The following KLF9 variants were observed in gnomAD, a reference collection of about 807,000 sequenced individuals.
KLF9 encodes the protein KLF transcription factor 9, also known as Krueppel-like factor 9.
A neutral mutation model predicts 17.3 loss-of-function variants in KLF9; 2 were observed. The observed-to-expected ratio is 0.12, with a 90% CI of 0.05 to 0.36. KLF9 has a LOEUF of 0.36. KLF9 is among the 10% of genes least tolerant of loss of function. KLF9 has a pLI of 1.00. For synonymous variants in KLF9, 138 were observed against 139.2 expected, an observed-to-expected ratio of 0.99 and a Z score of 0.06; for missense variants, 226 against 333.2, an observed-to-expected ratio of 0.68 and a Z score of 2.51.
intron 1 of KLF9, among the ~76,000 whole-genome samples, chr9:70,410,259 T>C (rs951091640): frequency 4.6e-5 from 7 of 152,270 alleles, no homozygotes; most frequent in African/African-American, 1.7e-4. Flanking sequence ...AATCCTCTGA[T>C]TTTTAGATGT....
chr9:70,402,422 C>T (rs1034880572), intron 1 of KLF9, among the ~76,000 whole-genome samples: 1 of 152,212 alleles, frequency 6.6e-6, no homozygotes, highest in Non-Finnish European at 1.5e-5. Flanking sequence ...GCCATATAAA[C>T]AGCTCGTCTT....
intron 1 of KLF9, among the ~76,000 whole-genome samples, chr9:70,409,021 T>C (rs1407066104): frequency 7.5e-6 from 1 of 132,666 alleles, no homozygotes; most frequent in Non-Finnish European, 1.6e-5. Context: ...TACACATATA[T>C]GTATATATAT....
intron 1 of KLF9, among the ~76,000 whole-genome samples, chr9:70,410,106 AG>A (rs1195846935): frequency 6.6e-6 from 1 of 152,214 alleles, no homozygotes; most frequent in African/African-American, 2.4e-5. Context: ...ATGCCAAAAG[AG>A]ATCCTGTAAA....
chr9:70,387,296 C>A lies in KLF9; in HGVS notation c.*480G>T. 1.3e-5 allele frequency: 2 copies of A among 159,162 alleles called. No homozygotes were observed. The highest frequency in any genetic ancestry group is 1.2e-4 in the Admixed American group (2 of 16,982). 9.9% of individuals were successfully genotyped at this position (159,162 alleles called of 1,614,324 possible). On this transcript the variant is annotated 3_prime_UTR_variant, in exon 2 of 2. Coordinates refer to ENST00000377126, the MANE Select transcript of KLF9 (RefSeq NM_001206.4). ...GTCATTACATTAAAAGGTAAGAAAA[C>A]AATTCTGAGAGACAGCAAGCATAAA...
chr9:70,390,276 G>A (rs2037144760), intron 1 of KLF9, among the ~76,000 whole-genome samples: 1 of 152,140 alleles, frequency 6.6e-6, no homozygotes, highest in African/African-American at 2.4e-5. Flanking sequence ...GGAGCTCTGA[G>A]CTGAAAAGCT....
chr9:70,411,612 C>T (rs185392667), intron 1 of KLF9, among the ~76,000 whole-genome samples: 157 of 152,330 alleles, frequency 1.0e-3, no homozygotes, highest in Non-Finnish European at 1.7e-3. Flanking sequence ...GAAGCAGTTA[C>T]GTGGCCTTTC....
intron 1 of KLF9, among the ~76,000 whole-genome samples, chr9:70,404,521 C>A (rs1417026577): frequency 6.6e-6 from 1 of 151,756 alleles, no homozygotes; most frequent in African/African-American, 2.4e-5. Flanking sequence ...GGGAAGTAGG[C>A]GGGGAGAGTG....
At chr9:70,404,737 T>G (rs572826699) in intron 1 of KLF9, among the ~76,000 whole-genome samples, 20 of 152,308 alleles carry the variant, frequency 1.3e-4, no homozygotes, top group African/African-American at 4.6e-4. Flanking sequence ...TTTTTAATTA[T>G]AATGGTGTGC....
rs531009676 is a variant in KLF9 at position 70,404,950 on chromosome 9, T to C, written c.505+7909A>G. On this transcript the variant is annotated intron_variant, in intron 1 of 1. Coordinates refer to ENST00000377126, the MANE Select transcript of KLF9 (RefSeq NM_001206.4). ...AAGCCTGTGCTCTGACGACTCTATC[T>C]ACTGTCTCTGTACTGAAGGTAAAGG... Among the ~76,000 whole-genome samples the C allele has an allele frequency of 7.9e-5, 12 of 152,306 alleles. 1 individual carries two copies. Among genetic ancestry groups the C allele is most frequent in the African/African-American group, 2.9e-4 (12 of 41,576 alleles).
At chr9:70,398,525 G>A (rs1372627599) in intron 1 of KLF9, among the ~76,000 whole-genome samples, 1 of 147,166 alleles carries the variant, frequency 6.8e-6, no homozygotes, top group Non-Finnish European at 1.5e-5. Context: ...GTCTTGCTCT[G>A]TCACCCAGGT....
intron 1 of KLF9, among the ~76,000 whole-genome samples, chr9:70,389,004 G>A (rs941952931): frequency 2.6e-5 from 4 of 152,108 alleles, no homozygotes; most frequent in African/African-American, 9.7e-5. Context: ...AGCTGGGTGT[G>A]GTGGCGTGCG....
chr9:70,393,936 T>C (rs569610727), intron 1 of KLF9, among the ~76,000 whole-genome samples: 3 of 151,208 alleles, frequency 2.0e-5, no homozygotes, highest in African/African-American at 7.3e-5. Flanking sequence ...GCGGGAAGAT[T>C]GCTTGAGCCC....
chr9:70,402,806 C>T (rs1187099581), intron 1 of KLF9, among the ~76,000 whole-genome samples: 1 of 152,142 alleles, frequency 6.6e-6, no homozygotes, highest in Non-Finnish European at 1.5e-5. Flanking sequence ...GTACTGTTTG[C>T]CTCTCATTTT....
intron 1 of KLF9, among the ~76,000 whole-genome samples, chr9:70,399,487 T>C (rs2037207945): frequency 6.6e-6 from 1 of 152,240 alleles, no homozygotes; most frequent in Admixed American, 6.5e-5. Flanking sequence ...GCATTAAATA[T>C]TGAACAAGAT....
At chr9:70,410,226 C>T (rs558459170) in intron 1 of KLF9, among the ~76,000 whole-genome samples, 1 of 152,310 alleles carries the variant, frequency 6.6e-6, no homozygotes, top group African/African-American at 2.4e-5. Context: ...TCCAGACAAG[C>T]CAGAAATCTG....
chr9:70,401,168 CAA>C (rs199648240), intron 1 of KLF9, among the ~76,000 whole-genome samples: 63 of 115,972 alleles, frequency 5.4e-4, no homozygotes, highest in Non-Finnish European at 5.3e-4. Context: ...ATCCCATCTC[CAA>C]AAAAAAAAAA....
In KLF9 at chr9:70,413,422, C is replaced by G. The variant is rs528343388; in HGVS notation, c.-59G>C. 1.0e-4 allele frequency: 151 copies of G among 1,439,022 alleles called. 2 individuals carry two copies. The South Asian group carries it at 1.9e-3, about 18-fold the overall frequency. The allele number at this position is 1,439,022 out of a possible 1,614,324, so 89.1% of individuals were successfully genotyped here. A position where few individuals can be genotyped will look rare whatever the true frequency, so the allele number is the denominator to read the frequency against. The stretch of plus-strand genomic sequence containing the variant: ...AAACTTGGCGGTGGCTGCGGAGGTT[C>G]GGCTCGCCCTGCCCTGGCCTCGGAC... On this transcript the variant is annotated 5_prime_UTR_variant, in exon 1 of 2. Coordinates refer to ENST00000377126, the MANE Select transcript of KLF9 (RefSeq NM_001206.4). This position sits in a 1 kb window ranked among gnomAD's most constrained non-coding sequence, Gnocchi z 5.6.
intron 1 of KLF9, among the ~76,000 whole-genome samples, chr9:70,412,121 G>T (rs2037319579): frequency 7.5e-6 from 1 of 133,550 alleles, no homozygotes; most frequent in Non-Finnish European, 1.5e-5. Flanking sequence ...TTGACCTCCG[G>T]CAAGGACCAC....
chr9:70,412,239 A>C lies in KLF9; in HGVS notation c.505+620T>G, dbSNP rs190638695. Reference sequence around the variant, plus strand: ...AGTCAGCTCTGAAACCTGGCTCATCAGGAGGACTCATGAGTGAAGTTAACC... The same window carrying C: ...AGTCAGCTCTGAAACCTGGCTCATCCGGAGGACTCATGAGTGAAGTTAACC... On this transcript the variant is annotated intron_variant, in intron 1 of 1. Coordinates refer to ENST00000377126, the MANE Select transcript of KLF9 (RefSeq NM_001206.4). Among the ~76,000 whole-genome samples the C allele has an allele frequency of 2.8e-3, 419 of 147,268 alleles. 1 individual carries two copies. Among genetic ancestry groups the C allele is most frequent in the African/African-American group, 9.9e-3 (397 of 40,000 alleles).
Sources: gnomAD v4.1 joint callset for allele counts (sites outside exome capture counted in the v4.1 genomes callset) on GRCh38, gnomAD v4.1.1 for gene constraint, Gnocchi (gnomAD v3.1) non-coding constraint, MANE v1.5 for transcripts, NCBI Gene and HGNC (gene_info 2026-07-23, HGNC 2026-07-21) for gene names.